RGPD8: variants seen among roughly 807,000 people sequenced by gnomAD.
RGPD8 encodes RANBP2 like and GRIP domain containing 8, also known as RANBP2-like and GRIP domain-containing protein 8.
Under a neutral mutation model 89.1 loss-of-function variants are expected in RGPD8, and 15 were observed. The ratio of observed to expected loss-of-function variants is 0.17; its 90% CI spans 0.11 to 0.26. The LOEUF (loss-of-function observed/expected upper bound fraction) is 0.26. Ranked by LOEUF, RGPD8 falls within the 10% of genes least tolerant of loss-of-function variation. The pLI is 1.00. For synonymous variants in RGPD8, 62 were observed against 420.9 expected (o/e 0.15, Z 10.44); for missense variants, 178 against 1,179.6 (o/e 0.15, Z 12.44).
At chr2:112,371,210 A>G (rs1185733590) in intron 22 of RGPD8, among the ~76,000 whole-genome samples, 1 of 112,540 alleles carries the variant, frequency 8.9e-6, no homozygotes, top group African/African-American at 3.4e-5. Flanking sequence ...TACTTATAGT[A>G]AAACCTGCCC....
chr2:112,432,155 T>G (rs1279150049), intron 1 of RGPD8, among the ~76,000 whole-genome samples: 3 of 152,184 alleles, frequency 2.0e-5, no homozygotes, highest in African/African-American at 7.2e-5. Context: ...GACTCAAGAT[T>G]CTGCGCACAT....
At chr2:112,426,294 G>A (rs1484514601) in intron 1 of RGPD8, among the ~76,000 whole-genome samples, 59 of 152,154 alleles carry the variant, frequency 3.9e-4, no homozygotes, top group Non-Finnish European at 1.6e-4. Context: ...GATAACTGAG[G>A]TGGCTAGTAT....
chr2:112,431,641 GTTT>G (rs368409381), intron 1 of RGPD8, among the ~76,000 whole-genome samples: 2 of 141,266 alleles, frequency 1.4e-5, no homozygotes, highest in African/African-American at 5.2e-5. Flanking sequence ...TGAGTTTCTG[GTTT>G]TTTTTTTTTT....
rs781020653 is a variant in RGPD8 at position 112,390,073 on chromosome 2, G to A, written c.2872C>T (p.Arg958Cys). The change falls in exon 20 of 23, where the codon CGT becomes TGT. Residue 958 changes from arginine to cysteine, a missense_variant. Arg to Cys is a radical substitution (Grantham distance 180). Transcript: ENST00000302558. ...CTTGTTTGGCCAAAAATCACACCAC[G>A]GCCCTTCTTCCGGCCCCTAATATCC... Reference protein sequence around the residue: ...AQDIRGRKKGRGVIFGQTSST... With the variant: ...AQDIRGRKKGCGVIFGQTSST... 26 of 1,573,650 alleles carry A rather than the reference G, an allele frequency of 1.7e-5. 2 individuals carry two copies. The highest frequency in any genetic ancestry group is 5.1e-5 in the Admixed American group (3 of 58,788).
intron 1 of RGPD8, among the ~76,000 whole-genome samples, chr2:112,427,191 T>TG (rs1331479166): frequency 7.2e-5 from 11 of 152,070 alleles, no homozygotes; most frequent in African/African-American, 2.7e-4. Context: ...CCAACTATGT[T>TG]AAAACATAAT....
intron 1 of RGPD8, among the ~76,000 whole-genome samples, chr2:112,426,068 A>G (rs1679756112): frequency 6.6e-6 from 1 of 151,820 alleles, no homozygotes; most frequent in East Asian, 1.9e-4. Context: ...TTCATGGACA[A>G]AAGATTTGTT....
chr2:112,426,203 C>T (rs549158602), intron 1 of RGPD8, among the ~76,000 whole-genome samples: 1 of 152,304 alleles, frequency 6.6e-6, no homozygotes, highest in South Asian at 2.1e-4. Context: ...GCCAGCATCG[C>T]TATTCTTGCT....
intron 2 of RGPD8, 133 bp from the exon 3 acceptor site, chr2:112,422,792 T>C: frequency 1.8e-6 from 1 of 541,648 alleles, no homozygotes; most frequent in Non-Finnish European, 3.0e-6. Flanking sequence ...CCACTATTTA[T>C]GCAGATAACT....
chr2:112,409,783 G>C (rs1355635195), intron 7 of RGPD8, among the ~76,000 whole-genome samples: 3 of 144,562 alleles, frequency 2.1e-5, no homozygotes, highest in African/African-American at 8.4e-5. Flanking sequence ...TCCAGCCAGA[G>C]CAAGAGTGAG....
intron 1 of RGPD8, among the ~76,000 whole-genome samples, chr2:112,428,057 G>C (rs887039611): frequency 6.6e-6 from 1 of 152,188 alleles, no homozygotes; most frequent in African/African-American, 2.4e-5. Flanking sequence ...CAATTGAAAG[G>C]ACACTTCCAG....
chr2:112,414,591 C>G (rs1679309197), intron 6 of RGPD8, among the ~76,000 whole-genome samples: 1 of 70,264 alleles, frequency 1.4e-5, no homozygotes, highest in Non-Finnish European at 2.6e-5. Flanking sequence ...CAGAAATAAC[C>G]CACATACGGC....
intron 7 of RGPD8, among the ~76,000 whole-genome samples, chr2:112,411,159 A>G (rs1405245353): frequency 6.6e-6 from 1 of 152,300 alleles, no homozygotes; most frequent in Non-Finnish European, 1.5e-5. Context: ...TCCCTCCCCA[A>G]GCAAAAAATC....
intron 6 of RGPD8, among the ~76,000 whole-genome samples, chr2:112,414,049 T>TG (rs1202168715): frequency 1.4e-5 from 2 of 144,486 alleles, no homozygotes; most frequent in Non-Finnish European, 3.0e-5. Context: ...TTTTACAGAC[T>TG]GAAAGAGGAA....
chr2:112,404,739 T>TAGCCTGTAGCGG lies in RGPD8; in HGVS notation c.1067-565_1067-564insCCGCTACAGGCT, dbSNP rs1487106299. ...AAAATTAGCCGGCCCTGGTGGCGGG[T>TAGCCTGTAGCGG]GCCTGTAGTCCCAGCTACTGGGGAG... On this transcript the variant is annotated intron_variant, in intron 8 of 22. Transcript: ENST00000302558. 2.9e-5 allele frequency among the ~76,000 whole-genome samples: 3 copies of TAGCCTGTAGCGG among 102,906 alleles called. No homozygotes were observed. The Admixed American group carries it at 3.0e-4, about 10-fold the overall frequency. 67.5% of individuals were successfully genotyped at this position (102,906 alleles called of 152,430 possible). A position where few individuals can be genotyped will look rare whatever the true frequency, so the allele number is the denominator to read the frequency against.
intron 20 of RGPD8, among the ~76,000 whole-genome samples, chr2:112,382,017 A>C (rs1678321593): frequency 6.6e-6 from 1 of 152,198 alleles, no homozygotes; most frequent in Non-Finnish European, 1.5e-5. Flanking sequence ...ACCCACCCTT[A>C]ATCTGGTAGG....
At chr2:112,370,397 G>C (rs1314063021) in intron 22 of RGPD8, among the ~76,000 whole-genome samples, 185 bp from the exon 23 acceptor site, 1 of 101,028 alleles carries the variant, frequency 9.9e-6, no homozygotes, top group Non-Finnish European at 1.9e-5. Flanking sequence ...TTTTGAGATA[G>C]GGTCTTGCTC....
At chr2:112,413,169 G>A (rs920335957) in intron 6 of RGPD8, among the ~76,000 whole-genome samples, 15 of 142,758 alleles carry the variant, frequency 1.1e-4, no homozygotes. Flanking sequence ...CGCCTGGGCT[G>A]GAGTGCAATG....
intron 18 of RGPD8, among the ~76,000 whole-genome samples, chr2:112,393,664 G>GAA (rs1300938201): frequency 1.9e-4 from 1 of 5,322 alleles, no homozygotes; most frequent in East Asian, 6.3e-3. Context: ...GCTAAAAAGA[G>GAA]AAAAAAAAAA....
At chr2:112,429,068 G>A (rs1185526688) in intron 1 of RGPD8, among the ~76,000 whole-genome samples, 22 of 151,692 alleles carry the variant, frequency 1.5e-4, no homozygotes, top group Non-Finnish European at 2.8e-4. Flanking sequence ...CTGAAAGAAT[G>A]AGGGGCAAAC....
Sources: gnomAD v4.1 joint callset for allele counts (sites outside exome capture counted in the v4.1 genomes callset) on GRCh38, gnomAD v4.1.1 for gene constraint, MANE v1.5 for transcripts, NCBI Gene and HGNC (gene_info 2026-07-23, HGNC 2026-07-21) for gene names.